JPH3: variants seen among roughly 807,000 people sequenced by gnomAD.
JPH3 encodes the protein junctophilin 3.
Under a neutral mutation model 59.6 loss-of-function variants are expected in JPH3, and 11 were observed. The ratio of observed to expected loss-of-function variants is 0.18; its 90% CI spans 0.12 to 0.31. The LOEUF is 0.31. JPH3 is among the 10% of genes least tolerant of loss of function. The probability of loss-of-function intolerance (pLI) is 1.00; values close to 1 mark genes in which losing one functional copy is unlikely to be tolerated. For missense variants in JPH3, 1,202 were observed against 1,105.7 expected (o/e 1.09, Z -1.24); for synonymous variants, 673 against 483.6 (o/e 1.39, Z -5.14).
intron 1 of JPH3, among the ~76,000 whole-genome samples, chr16:87,634,288 C>T (rs1343959489): frequency 1.3e-5 from 2 of 152,128 alleles, no homozygotes; most frequent in Admixed American, 6.5e-5. Context: ...GGGGTCTGTT[C>T]CGGGGCATCC....
intron 2 of JPH3, among the ~76,000 whole-genome samples, chr16:87,648,387 C>G (rs1364522933): frequency 6.6e-6 from 1 of 152,194 alleles, no homozygotes; most frequent in Non-Finnish European, 1.5e-5. Flanking sequence ...TGAGGAGTGA[C>G]TGGCCCCGGG....
intron 2 of JPH3, chr16:87,653,499 C>G (rs541038255): frequency 3.9e-5 from 6 of 152,110 alleles, no homozygotes; most frequent in African/African-American, 1.4e-4. Context: ...CTGGGACACT[C>G]TAGTGGGCCG....
At chr16:87,675,073 A>C (rs1043405313) in intron 2 of JPH3, among the ~76,000 whole-genome samples, 4 of 152,008 alleles carry the variant, frequency 2.6e-5, no homozygotes, top group Non-Finnish European at 4.4e-5. Flanking sequence ...ACTTTTGTAT[A>C]TTTTAAAAAT....
At chr16:87,686,897 T>C (rs1235453333) in intron 3 of JPH3, among the ~76,000 whole-genome samples, 7 of 152,310 alleles carry the variant, frequency 4.6e-5, no homozygotes, top group Admixed American at 2.6e-4. Flanking sequence ...AGTCCAGTCC[T>C]CGAGGGTCTG....
intron 2 of JPH3, among the ~76,000 whole-genome samples, chr16:87,671,895 G>C (rs2033025509): frequency 6.6e-6 from 1 of 152,220 alleles, no homozygotes. Context: ...AGGCGAACTG[G>C]GAGATTGTTC....
chr16:87,679,414 C>G (rs2033230638), intron 2 of JPH3, among the ~76,000 whole-genome samples: 1 of 152,200 alleles, frequency 6.6e-6, no homozygotes, highest in Non-Finnish European at 1.5e-5. Context: ...ATGAAATGCA[C>G]TTTCCAGGGA....
At chr16:87,658,038 G>A (rs1110599) in intron 2 of JPH3, among the ~76,000 whole-genome samples, 1 of 151,900 alleles carries the variant, frequency 6.6e-6, no homozygotes, top group Non-Finnish European at 1.5e-5. Context: ...GGGACTGGGG[G>A]CCCACACCCT....
intron 4 of JPH3, chr16:87,695,865 T>TC (rs1227091125): frequency 2.2e-6 from 1 of 455,890 alleles, no homozygotes; most frequent in Non-Finnish European, 4.4e-6. Context: ...GGCAGCTTGG[T>TC]CCGAGTGCCC....
intron 1 of JPH3, chr16:87,604,671 T>G: frequency 8.7e-7 from 1 of 1,154,626 alleles, no homozygotes; most frequent in South Asian, 1.9e-5. Flanking sequence ...CCTCCGAGTC[T>G]CATGAAGAAA....
At chr16:87,641,105 C>T (rs943245406) in intron 1 of JPH3, among the ~76,000 whole-genome samples, 3 of 152,244 alleles carry the variant, frequency 2.0e-5, no homozygotes, top group African/African-American at 7.2e-5. Context: ...CTGCCTCCTC[C>T]CCGTGCCCAT....
At chr16:87,640,327 CA>C (rs77410169) in intron 1 of JPH3, among the ~76,000 whole-genome samples, 13 of 145,498 alleles carry the variant, frequency 8.9e-5, no homozygotes, top group Admixed American at 2.0e-4. Context: ...GACTCCATCT[CA>C]AAAAAAAAAG....
intron 4 of JPH3, chr16:87,696,198 C>T: frequency 2.2e-6 from 1 of 452,264 alleles, no homozygotes; most frequent in Non-Finnish European, 4.4e-6. Context: ...GTCCCAGTTC[C>T]ACAGGGCAGG....
chr16:87,665,102 C>T (rs929634213), intron 2 of JPH3, among the ~76,000 whole-genome samples: 1 of 152,228 alleles, frequency 6.6e-6, no homozygotes, highest in Non-Finnish European at 1.5e-5. Context: ...ATCCCTTTGA[C>T]TCCAGGGAGG....
intron 1 of JPH3, among the ~76,000 whole-genome samples, chr16:87,638,619 G>C (rs1202522865): frequency 6.6e-6 from 1 of 152,126 alleles, no homozygotes; most frequent in African/African-American, 2.4e-5. Context: ...GTTCATGGCA[G>C]GGCTTGGGGA....
intron 4 of JPH3, chr16:87,695,066 C>T (rs964294251): frequency 5.8e-6 from 2 of 342,602 alleles, no homozygotes; most frequent in East Asian, 7.7e-5. Flanking sequence ...TAGATTTAGG[C>T]CTGGGAGTGG....
intron 1 of JPH3, among the ~76,000 whole-genome samples, chr16:87,623,161 A>G (rs1254855728): frequency 3.3e-5 from 5 of 152,176 alleles, no homozygotes; most frequent in African/African-American, 4.8e-5. Context: ...AGCGTGGGCC[A>G]AGCTCTCGTC....
At chr16:87,619,787 G>T (rs1369539771) in intron 1 of JPH3, among the ~76,000 whole-genome samples, 2 of 152,206 alleles carry the variant, frequency 1.3e-5, no homozygotes, top group Non-Finnish European at 2.9e-5. Context: ...AGGACTTCTT[G>T]GTTGGGGGAA....
intron 1 of JPH3, among the ~76,000 whole-genome samples, chr16:87,612,828 C>A (rs2150823227): frequency 6.6e-6 from 1 of 152,070 alleles, no homozygotes; most frequent in African/African-American, 2.4e-5. Flanking sequence ...ACCATCCTGG[C>A]TAACACAGTG....
chr16:87,609,340 C>T (rs1240362310), intron 1 of JPH3, among the ~76,000 whole-genome samples: 1 of 152,166 alleles, frequency 6.6e-6, no homozygotes, highest in Non-Finnish European at 1.5e-5. Flanking sequence ...GATCTTGGCT[C>T]ATTGCAACCT....
Sources: gnomAD v4.1 joint callset for allele counts (sites outside exome capture counted in the v4.1 genomes callset) on GRCh38, gnomAD v4.1.1 for gene constraint, MANE v1.5 for transcripts, NCBI Gene and HGNC (gene_info 2026-07-23, HGNC 2026-07-21) for gene names.